Variants in PLSCR2 observed in about 807,000 individuals in gnomAD.
The protein encoded by PLSCR2 is PL scramblase 2.
In PLSCR2, 18 loss-of-function variants were observed where a neutral mutation model predicts 25.3. The observed-to-expected ratio is 0.71, with a 90% CI of 0.49 to 1.06. The LOEUF is 1.06. Ranked by LOEUF, PLSCR2 falls within the 50% of genes least tolerant of loss-of-function variation. PLSCR2 has a pLI of 0.00. For missense variants in PLSCR2, 243 were observed against 269.5 expected (o/e 0.90, Z 0.69); for synonymous variants, 88 against 87.3 (o/e 1.01, Z -0.04).
At chr3:146,432,947 A>G (rs543613189), downstream of PLSCR2, among the ~76,000 whole-genome samples, 5 of 152,260 alleles carry the variant, frequency 3.3e-5, no homozygotes, top group South Asian at 1.0e-3. Flanking sequence ...TTACATTAAA[A>G]TATATTTTCT....
chr3:146,425,364 A>C (rs1339005677), intron 2 of PLSCR2, among the ~76,000 whole-genome samples: 1 of 152,192 alleles, frequency 6.6e-6, no homozygotes, highest in Non-Finnish European at 1.5e-5. Flanking sequence ...CTACATTCAT[A>C]AAAGTGCAAA....
intron 1 of PLSCR2, among the ~76,000 whole-genome samples, chr3:146,495,273 T>G (rs2043706188): frequency 6.6e-6 from 1 of 152,190 alleles, no homozygotes; most frequent in Non-Finnish European, 1.5e-5. Flanking sequence ...CACTTTGTAC[T>G]GAGTGGAAGC....
At chr3:146,477,194 T>C (rs2042317728) in intron 1 of PLSCR2, among the ~76,000 whole-genome samples, 1 of 152,190 alleles carries the variant, frequency 6.6e-6, no homozygotes, top group African/African-American at 2.4e-5. Context: ...GATTTCTGCA[T>C]TTTCAACTGA....
intron 1 of PLSCR2, among the ~76,000 whole-genome samples, chr3:146,486,924 C>G (rs1353186526): frequency 6.6e-6 from 1 of 152,132 alleles, no homozygotes; most frequent in Non-Finnish European, 1.5e-5. Flanking sequence ...CAATAAAATA[C>G]TGGCAAACTG....
downstream of PLSCR2, chr3:146,433,285 A>G (rs567434031): frequency 6.6e-6 from 1 of 152,270 alleles, no homozygotes; most frequent in African/African-American, 2.4e-5. Flanking sequence ...ATTCAAATTA[A>G]GCCTTTTTTG....
At position 146,454,176 on chromosome 3, in the gene PLSCR2, A is replaced by G. The variant is rs1228478189; in HGVS notation, c.322-13T>C. 1 of 1,542,764 alleles carries G rather than the reference A, an allele frequency of 6.5e-7. No individual in the cohort carries two copies. Among genetic ancestry groups the G allele is most frequent in the Non-Finnish European group, 8.8e-7 (1 of 1,140,046 alleles). ...CTTGGATTTCTATCTACAAAAGTAA[A>G]ATATGTGTGAACGTAATAAATCATC... On this transcript the variant is annotated splice_polypyrimidine_tract_variant and intron_variant, in intron 4 of 6. Transcript: ENST00000610787.
chr3:146,395,702 T>C (rs1192046706), intron 3 of PLSCR2: 1 of 162,842 alleles, frequency 6.1e-6, no homozygotes, highest in Non-Finnish European at 1.4e-5. Flanking sequence ...TTAGTAAAAG[T>C]GCAATGGTAA....
intron 2 of PLSCR2, among the ~76,000 whole-genome samples, chr3:146,413,377 C>G (rs574535492): frequency 6.6e-6 from 1 of 152,258 alleles, no homozygotes; most frequent in East Asian, 1.9e-4. Flanking sequence ...TGTGAAATCT[C>G]CACATTTTTC....
chr3:146,480,970 C>A (rs1576730638), intron 1 of PLSCR2, among the ~76,000 whole-genome samples: 1 of 152,136 alleles, frequency 6.6e-6, no homozygotes. Flanking sequence ...TAAACAGAAC[C>A]AATGACAAAA....
At chr3:146,455,455 T>C (rs1159333933) in exon 4 of PLSCR2, 5 of 1,585,444 alleles carry the variant, frequency 3.2e-6, no homozygotes, top group Non-Finnish European at 4.3e-6. Flanking sequence ...CAAAACTGAA[T>C]AGAACTAAAA....
At chr3:146,463,872 T>C (rs1311771409), upstream of PLSCR2, 3 of 978,760 alleles carry the variant, frequency 3.1e-6, no homozygotes, top group Non-Finnish European at 3.6e-6. Flanking sequence ...TTACCAACTT[T>C]AAGCACACAT....
intron 5 of PLSCR2, among the ~76,000 whole-genome samples, chr3:146,452,246 C>T (rs1156299221): frequency 6.6e-6 from 1 of 151,796 alleles, no homozygotes; most frequent in Non-Finnish European, 1.5e-5. Flanking sequence ...GAAAAAATAT[C>T]CACACATTTG....
chr3:146,494,969 T>C (rs1013707348), intron 1 of PLSCR2: 26 of 152,182 alleles, frequency 1.7e-4, no homozygotes, highest in Admixed American at 1.6e-3. Context: ...AATATGAGCC[T>C]CAGAGATGTT....
intron 1 of PLSCR2, among the ~76,000 whole-genome samples, chr3:146,480,118 C>A (rs2043077039): frequency 2.0e-5 from 3 of 152,114 alleles, no homozygotes; most frequent in Admixed American, 2.0e-4. Context: ...GCACTAAATG[C>A]CCACAAGAGA....
intron 2 of PLSCR2, among the ~76,000 whole-genome samples, chr3:146,406,849 T>C (rs1031041713): frequency 1.3e-5 from 2 of 152,162 alleles, no homozygotes; most frequent in African/African-American, 4.8e-5. Context: ...CTGGAATGAA[T>C]GGCAGGACCC....
At chr3:146,475,880 A>C (rs1361612956) in intron 1 of PLSCR2, among the ~76,000 whole-genome samples, 5 of 152,158 alleles carry the variant, frequency 3.3e-5, no homozygotes. Context: ...GTATGTGCAC[A>C]GTTCTGTACG....
intron 6 of PLSCR2, among the ~76,000 whole-genome samples, chr3:146,442,776 C>A (rs1339661289): frequency 6.6e-6 from 1 of 151,902 alleles, no homozygotes; most frequent in Non-Finnish European, 1.5e-5. Flanking sequence ...TGGATTTTGA[C>A]CCTCATTTCA....
chr3:146,458,367 C>T (rs2041344880), intron 3 of PLSCR2, 44 bp downstream of exon 3: 3 of 1,441,840 alleles, frequency 2.1e-6, no homozygotes, highest in Admixed American at 2.4e-5. Context: ...TTTGCATAAA[C>T]TTCTTCTCTT....
intron 1 of PLSCR2, among the ~76,000 whole-genome samples, chr3:146,478,043 A>G (rs546430): frequency 0.32 from 49,038 of 152,022 alleles, 7,954 homozygotes; most frequent in South Asian, 0.41. Context: ...AAACTAACAA[A>G]CTGAAAGGAA....
Sources: gnomAD v4.1 joint callset for allele counts (sites outside exome capture counted in the v4.1 genomes callset) on GRCh38, gnomAD v4.1.1 for gene constraint, MANE v1.5 for transcripts, NCBI Gene and HGNC (gene_info 2026-07-23, HGNC 2026-07-21) for gene names.